Variants in ROBO2 observed in about 807,000 individuals in gnomAD.
ROBO2 encodes the protein roundabout homolog 2.
In ROBO2, 53 loss-of-function variants were observed where a neutral mutation model predicts 160.8. The ratio of observed to expected loss-of-function variants is 0.33; its 90% CI spans 0.26 to 0.41. The LOEUF (loss-of-function observed/expected upper bound fraction) is 0.41, where lower values mean the gene tolerates loss of function less well. Ranked by LOEUF, ROBO2 falls within the 10% of genes least tolerant of loss-of-function variation. The probability of loss-of-function intolerance (pLI) is 1.00; values close to 1 mark genes in which losing one functional copy is unlikely to be tolerated. For synonymous variants in ROBO2, 664 were observed against 611.7 expected (o/e 1.09, Z -1.26); for missense variants, 1,577 against 1,722.4 (o/e 0.92, Z 1.49).
At chr3:77,641,205 A>C (rs1333961840) in intron 24 of ROBO2, among the ~76,000 whole-genome samples, 1 of 152,234 alleles carries the variant, frequency 6.6e-6, no homozygotes, top group Non-Finnish European at 1.5e-5. Context: ...AATATTCCAA[A>C]TGCAACTTTA....
At chr3:76,763,829 G>A (rs181208790) in intron 2 of ROBO2, among the ~76,000 whole-genome samples, 41 of 151,824 alleles carry the variant, frequency 2.7e-4, no homozygotes, top group African/African-American at 7.2e-4. Context: ...CTTTGCCAGC[G>A]CAGTTTGAAT....
intron 5 of ROBO2, among the ~76,000 whole-genome samples, chr3:77,508,700 G>A (rs1472518937): frequency 6.6e-6 from 1 of 151,894 alleles, no homozygotes; most frequent in Non-Finnish European, 1.5e-5. Context: ...GTTGTGGCAA[G>A]TTCTTTGATG....
intron 2 of ROBO2, among the ~76,000 whole-genome samples, chr3:76,050,081 G>T (rs1179169454): frequency 6.6e-6 from 1 of 152,132 alleles, no homozygotes; most frequent in Admixed American, 6.5e-5. Flanking sequence ...GTTCCTGGGT[G>T]TGTCTTTGAG....
intron 22 of ROBO2, among the ~76,000 whole-genome samples, chr3:77,621,003 T>G (rs910048477): frequency 6.6e-6 from 1 of 152,224 alleles, no homozygotes; most frequent in Non-Finnish European, 1.5e-5. Flanking sequence ...ATTTAGCATT[T>G]TATGGTTTAG....
At chr3:76,145,821 AG>A (rs1436414717) in intron 2 of ROBO2, among the ~76,000 whole-genome samples, 7 of 152,094 alleles carry the variant, frequency 4.6e-5, no homozygotes, top group African/African-American at 1.7e-4. Flanking sequence ...TTACAAAAAT[AG>A]GCAATTTCCA....
chr3:76,952,563 T>C (rs1233721163), intron 2 of ROBO2, among the ~76,000 whole-genome samples: 1 of 152,190 alleles, frequency 6.6e-6, no homozygotes, highest in Non-Finnish European at 1.5e-5. Flanking sequence ...ATTACAGGCG[T>C]GAGCCACTGT....
intron 1 of ROBO2, among the ~76,000 whole-genome samples, chr3:77,097,037 C>T (rs901067166): frequency 1.3e-5 from 2 of 152,136 alleles, no homozygotes; most frequent in African/African-American, 4.8e-5. Context: ...TTCGATTGTA[C>T]AGACAGTCAT....
At position 76,615,956 on chromosome 3, in the gene ROBO2, G is replaced by T. The variant is rs74447722; in HGVS notation, c.110-482058G>T. ...CAAGTGCCAGAGTTGAGTATAAGAT[G>T]AGTCCTCCTGAGTCCTACATAGTTC... On this transcript the variant is annotated intron_variant, in intron 2 of 26. Transcript: ENST00000487694. 7.0e-3 allele frequency among the ~76,000 whole-genome samples: 1,073 copies of T among 152,200 alleles called. 14 individuals are homozygous for T. The highest frequency in any genetic ancestry group is 0.025 in the African/African-American group (1,023 of 41,502).
intron 2 of ROBO2, among the ~76,000 whole-genome samples, chr3:77,026,836 C>T (rs773992724): frequency 4.6e-5 from 7 of 152,150 alleles, no homozygotes; most frequent in Non-Finnish European, 7.3e-5. Context: ...ATTTTCCCCT[C>T]GATTTTATTT....
chr3:77,577,568 A>T (rs769146177), exon 15 of ROBO2: 1 of 1,613,342 alleles, frequency 6.2e-7, no homozygotes, highest in Non-Finnish European at 8.5e-7. Flanking sequence ...GTTTCCTGGG[A>T]TCCTCCTCCT....
chr3:77,525,065 A>AT (rs1198505961), intron 6 of ROBO2, among the ~76,000 whole-genome samples: 4 of 150,962 alleles, frequency 2.6e-5, no homozygotes, highest in African/African-American at 9.7e-5. Context: ...TCTACGACTT[A>AT]TTTTTTTTTC....
chr3:76,047,481 C>T (rs1312556414), intron 2 of ROBO2, among the ~76,000 whole-genome samples: 1 of 152,110 alleles, frequency 6.6e-6, no homozygotes, highest in African/African-American at 2.4e-5. Flanking sequence ...CAGAGATTGC[C>T]GTCAGTGGAG....
intron 17 of ROBO2, among the ~76,000 whole-genome samples, chr3:77,591,941 C>T (rs1348057851): frequency 6.6e-6 from 1 of 152,158 alleles, no homozygotes; most frequent in African/African-American, 2.4e-5. Context: ...ATATGATTTC[C>T]ATTTTAGGAG....
intron 2 of ROBO2, among the ~76,000 whole-genome samples, chr3:75,977,236 A>C (rs979243933): frequency 2.6e-5 from 4 of 151,560 alleles, no homozygotes; most frequent in African/African-American, 9.7e-5. Flanking sequence ...GACACTTGAT[A>C]GGTTCTGATA....
At chr3:76,622,894 G>C (rs1226381709) in intron 2 of ROBO2, among the ~76,000 whole-genome samples, 1 of 152,162 alleles carries the variant, frequency 6.6e-6, no homozygotes, top group East Asian at 1.9e-4. Flanking sequence ...ATCCAAGTCA[G>C]GCGCTGAGGT....
chr3:76,788,101 T>C (rs10049430), intron 2 of ROBO2, among the ~76,000 whole-genome samples: 1,540 of 151,252 alleles, frequency 0.01, 21 homozygotes, highest in African/African-American at 0.034. Flanking sequence ...AAATCTATTG[T>C]TAATAGAGCA....
chr3:76,486,452 G>A (rs796333063), intron 2 of ROBO2, among the ~76,000 whole-genome samples: 6 of 152,172 alleles, frequency 3.9e-5, no homozygotes, highest in African/African-American at 1.4e-4. Flanking sequence ...CAGCGTTGGT[G>A]GTTTAGATGC....
intron 2 of ROBO2, among the ~76,000 whole-genome samples, chr3:76,818,103 T>C (rs750991148): frequency 6.3e-4 from 96 of 152,076 alleles, no homozygotes; most frequent in Non-Finnish European, 1.1e-3. Flanking sequence ...TTGTGCTAGT[T>C]TACATTTCTA....
intron 2 of ROBO2, among the ~76,000 whole-genome samples, chr3:77,321,952 A>G (rs1385464332): frequency 1.3e-5 from 2 of 152,212 alleles, no homozygotes; most frequent in African/African-American, 2.4e-5. Flanking sequence ...GGTATTTTCC[A>G]TGCACATAGC....
Sources: gnomAD v4.1 joint callset for allele counts (sites outside exome capture counted in the v4.1 genomes callset) on GRCh38, gnomAD v4.1.1 for gene constraint, MANE v1.5 for transcripts, NCBI Gene and HGNC (gene_info 2026-07-23, HGNC 2026-07-21) for gene names.